Variants in SLC35G2 observed in about 807,000 individuals in gnomAD.
SLC35G2 encodes transmembrane protein 22.
Under a neutral mutation model 27.2 loss-of-function variants are expected in SLC35G2, and 20 were observed. The ratio of observed to expected loss-of-function variants is 0.74; its 90% CI spans 0.52 to 1.07. SLC35G2 has a LOEUF of 1.07. Among genes scored for constraint, SLC35G2 ranks in the 50% least tolerant of loss-of-function variants. SLC35G2 has a pLI of 0.00. For synonymous variants in SLC35G2, 148 were observed against 165.3 expected (o/e 0.90, Z 0.80); for missense variants, 416 against 493.3 (o/e 0.84, Z 1.48).
chr3:136,830,560 G>A, intron 1 of SLC35G2, among the ~76,000 whole-genome samples: 1 of 151,942 alleles, frequency 6.6e-6, no homozygotes, highest in Non-Finnish European at 1.5e-5. Flanking sequence ...TGGGATTACA[G>A]GCATGAGCCA....
At chr3:136,830,881 A>G (rs1202435814) in intron 1 of SLC35G2, among the ~76,000 whole-genome samples, 1 of 152,102 alleles carries the variant, frequency 6.6e-6, no homozygotes, top group African/African-American at 2.4e-5. Flanking sequence ...ACTTAACACT[A>G]TTTCATAGTT....
chr3:136,849,161 AGAAC>A (rs1021845838), intron 1 of SLC35G2, among the ~76,000 whole-genome samples: 4 of 151,794 alleles, frequency 2.6e-5, no homozygotes, highest in African/African-American at 9.7e-5. Context: ...CTGGGCAACA[AGAAC>A]GAAACTCCGT....
chr3:136,841,432 T>A (rs1463437823), intron 1 of SLC35G2, among the ~76,000 whole-genome samples: 2 of 152,078 alleles, frequency 1.3e-5, no homozygotes, highest in African/African-American at 4.8e-5. Flanking sequence ...AATGTGAATA[T>A]AAATATCAGA....
At chr3:136,828,610 T>G (rs1308740951) in intron 1 of SLC35G2, among the ~76,000 whole-genome samples, 1 of 152,200 alleles carries the variant, frequency 6.6e-6, no homozygotes, top group Admixed American at 6.5e-5. Context: ...CCTTTATTAT[T>G]TTTGGTCTAT....
chr3:136,846,642 T>C (rs1159438084), intron 1 of SLC35G2: 4 of 152,226 alleles, frequency 2.6e-5, no homozygotes, highest in African/African-American at 7.2e-5. Context: ...TTAGAGCAGA[T>C]TGTAGAAAGT....
chr3:136,839,522 T>C (rs968499980), intron 1 of SLC35G2, among the ~76,000 whole-genome samples: 6 of 152,102 alleles, frequency 3.9e-5, no homozygotes, highest in Non-Finnish European at 7.4e-5. Flanking sequence ...CTTGACTGAG[T>C]AGAGAGAGGC....
chr3:136,823,243 T>C (rs537260112), intron 1 of SLC35G2, among the ~76,000 whole-genome samples: 42 of 152,360 alleles, frequency 2.8e-4, no homozygotes, highest in African/African-American at 9.6e-4. Flanking sequence ...CTTTTGCCCA[T>C]TTAAAAATTG....
Position 136,855,293 on chromosome 3 carries a change from T to C in SLC35G2, c.833T>C (p.Ile278Thr). The C allele has an allele frequency of 6.2e-7, 1 of 1,614,204 alleles. No individual in the cohort carries two copies. Among genetic ancestry groups the C allele is most frequent in the South Asian group, 1.1e-5 (1 of 91,090 alleles). The change falls in exon 2 of 2, where the codon ATC becomes ACC. Residue 278 changes from isoleucine to threonine, a missense_variant. By Grantham distance (89) the Ile-to-Thr change is moderately conservative. Coordinates refer to ENST00000446465, the MANE Select transcript of SLC35G2 (RefSeq NM_025246.3). ...CTCTCAATGATAGTATACAGATCCA[T>C]CAAGGAGAAGATCAGCATGTGGACT... is the stretch of plus-strand genomic sequence containing the variant. Reference protein sequence around the residue: ...TALSMIVYRSIKEKISMWTAL... With the variant: ...TALSMIVYRSTKEKISMWTAL...
chr3:136,823,144 C>T (rs1027129582), intron 1 of SLC35G2, among the ~76,000 whole-genome samples: 1 of 152,120 alleles, frequency 6.6e-6, no homozygotes, highest in Non-Finnish European at 1.5e-5. Context: ...TTTTGATTTG[C>T]ATTTTTCTGA....
At chr3:136,847,977 A>G (rs2108028551) in intron 1 of SLC35G2, among the ~76,000 whole-genome samples, 1 of 152,280 alleles carries the variant, frequency 6.6e-6, no homozygotes, top group East Asian at 1.9e-4. Flanking sequence ...ACTCTGTCTC[A>G]AAACAAACAA....
chr3:136,846,611 T>TCA, intron 1 of SLC35G2: 1 of 152,206 alleles, frequency 6.6e-6, no homozygotes, highest in Non-Finnish European at 1.5e-5. Context: ...AAAGTTGAGT[T>TCA]GGCACTTTGA....
chr3:136,840,592 T>G (rs960979858), intron 1 of SLC35G2, among the ~76,000 whole-genome samples: 2 of 143,730 alleles, frequency 1.4e-5, no homozygotes, highest in African/African-American at 5.1e-5. Context: ...CCTCCCTCCC[T>G]CCGTCTCTTT....
intron 1 of SLC35G2, among the ~76,000 whole-genome samples, chr3:136,830,104 CTTTTTTTTTTTT>C (rs71134418): frequency 1.8e-4 from 16 of 88,796 alleles, no homozygotes; most frequent in Non-Finnish European, 3.3e-4. Flanking sequence ...TACATTATTT[CTTTTTTTTTTTT>C]TTTTTTTTTT....
chr3:136,846,811 T>C (rs1284503969), intron 1 of SLC35G2, among the ~76,000 whole-genome samples: 1 of 152,136 alleles, frequency 6.6e-6, no homozygotes, highest in African/African-American at 2.4e-5. Flanking sequence ...AGACAATAAT[T>C]ATTACTCTAG....
chr3:136,839,016 G>T (rs151153200), intron 1 of SLC35G2: 40 of 152,110 alleles, frequency 2.6e-4, no homozygotes, highest in African/African-American at 9.4e-4. Context: ...TTTTATTCCT[G>T]CTTCTCCCCC....
intron 1 of SLC35G2, chr3:136,842,798 G>A (rs1234189997): frequency 6.6e-6 from 1 of 152,178 alleles, no homozygotes; most frequent in Non-Finnish European, 1.5e-5. Context: ...TGCCATTATG[G>A]AATTCACAAA....
At chr3:136,828,627 C>G (rs945711429) in intron 1 of SLC35G2, among the ~76,000 whole-genome samples, 4 of 152,142 alleles carry the variant, frequency 2.6e-5, no homozygotes, top group Non-Finnish European at 5.9e-5. Flanking sequence ...CTATGTGTCT[C>G]TTTATAGGTG....
chr3:136,833,566 C>T (rs141995508), intron 1 of SLC35G2, among the ~76,000 whole-genome samples: 151 of 152,204 alleles, frequency 9.9e-4, no homozygotes, highest in Non-Finnish European at 1.4e-3. Flanking sequence ...CAGAATGAAG[C>T]GGTTCCACTT....
chr3:136,838,501 T>G (rs780793295), intron 1 of SLC35G2: 2 of 152,240 alleles, frequency 1.3e-5, no homozygotes, highest in African/African-American at 4.8e-5. Flanking sequence ...TGGGAAGAGG[T>G]GACTGAGTTG....
Sources: allele counts gnomAD v4.1 joint callset (sites outside exome capture counted in the v4.1 genomes callset), GRCh38; gene constraint gnomAD v4.1.1; transcripts MANE v1.5; gene names NCBI Gene and HGNC (gene_info 2026-07-23, HGNC 2026-07-21).